NCAPD3: variants seen among roughly 807,000 people sequenced by gnomAD.
The protein encoded by NCAPD3 is condensin-2 complex subunit D3.
NCAPD3 carries 105 observed loss-of-function variants against 182.9 expected under a neutral mutation model. The observed-to-expected ratio is 0.57, with a 90% CI of 0.49 to 0.68. The LOEUF is 0.68. NCAPD3 is among the 30% of genes least tolerant of loss of function. The probability of loss-of-function intolerance (pLI) is 0.00; values close to 1 mark genes in which losing one functional copy is unlikely to be tolerated. For missense variants in NCAPD3, 1,944 were observed against 1,837.0 expected, an observed-to-expected ratio of 1.06 and a Z score of -1.07; for synonymous variants, 815 against 679.9, an observed-to-expected ratio of 1.20 and a Z score of -3.09.
intron 19 of NCAPD3, among the ~76,000 whole-genome samples, chr11:134,181,429 T>C (rs1015878508): frequency 6.6e-6 from 1 of 152,224 alleles, no homozygotes; most frequent in Non-Finnish European, 1.5e-5. Flanking sequence ...TTTTTACATT[T>C]GCCCTATAAG....
intron 2 of NCAPD3, among the ~76,000 whole-genome samples, chr11:134,219,467 T>C (rs1286458996): frequency 6.6e-6 from 1 of 152,196 alleles, no homozygotes; most frequent in Non-Finnish European, 1.5e-5. Flanking sequence ...GACCTCAACC[T>C]AGGGAGATTG....
intron 24 of NCAPD3, 89 bp from the exon 25 acceptor site, chr11:134,169,143 G>A (rs995853802): frequency 1.5e-6 from 2 of 1,342,092 alleles, no homozygotes; most frequent in Non-Finnish European, 1.0e-6. Flanking sequence ...GAGCAGAGGA[G>A]AGCTGTACAT....
intron 27 of NCAPD3, among the ~76,000 whole-genome samples, 191 bp downstream of exon 27, chr11:134,167,803 GAT>G (rs1482915924): frequency 1.4e-5 from 2 of 139,662 alleles, no homozygotes; most frequent in Non-Finnish European, 3.1e-5. Context: ...ACACTCGTGA[GAT>G]GAGCTTAGGG....
chr11:134,197,599 A>T (rs1944662850), intron 13 of NCAPD3, among the ~76,000 whole-genome samples: 1 of 152,202 alleles, frequency 6.6e-6, no homozygotes, highest in African/African-American at 2.4e-5. Flanking sequence ...ATAGCAATGC[A>T]AGAATGGCTT....
rs1034607499 is a variant in NCAPD3 at position 134,223,356 on chromosome 11, A to C, written c.64+507T>G. On this transcript the variant is annotated intron_variant, in intron 1 of 34. Transcript: ENST00000534548. The stretch of plus-strand genomic sequence containing the variant: ...GGCAGGACAGTGGTAGTGGGCATGA[A>C]AGGGGAAGCAGAAATGCCATGACTC... 7.2e-6 allele frequency: 5 copies of C among 692,914 alleles called. No homozygotes were observed. The Admixed American group carries it at 1.0e-4, about 14-fold the overall frequency. The allele number at this position is 692,914 out of a possible 1,614,324, so 42.9% of individuals were successfully genotyped here. A position where few individuals can be genotyped will look rare whatever the true frequency, so the allele number is the denominator to read the frequency against.
At position 134,153,194 on chromosome 11, in the gene NCAPD3, A is replaced by AT; in HGVS notation, c.4333dup (p.Ile1445AsnfsTer2). On this transcript the variant is annotated frameshift_variant, in exon 34 of 35. Transcript: ENST00000534548. LOFTEE classifies it high-confidence loss of function. ...GTCATTTCCTTGACTCCGGCCTTCA[A>AT]TTTTCTCTAAAAGGGAGTCAAACAA... 6.2e-7 allele frequency: 1 copy of AT among 1,614,140 alleles called. No homozygotes were observed. Among genetic ancestry groups the AT allele is most frequent in the Non-Finnish European group, 8.5e-7 (1 of 1,179,976 alleles).
chr11:134,176,240 AAG>A, intron 24 of NCAPD3, 65 bp downstream of exon 24: 4 of 1,444,556 alleles, frequency 2.8e-6, no homozygotes, highest in South Asian at 2.4e-5. Flanking sequence ...CTGAAAAAAA[AAG>A]AAATCCAGCA....
intron 29 of NCAPD3, among the ~76,000 whole-genome samples, chr11:134,158,848 TA>T (rs1565517193): frequency 6.6e-6 from 1 of 152,152 alleles, no homozygotes; most frequent in East Asian, 1.9e-4. Context: ...CAGCCTCTGG[TA>T]ATCACCAAAA....
intron 29 of NCAPD3, among the ~76,000 whole-genome samples, chr11:134,159,152 ATTTCC>A (rs778080518): frequency 4.6e-5 from 7 of 152,120 alleles, no homozygotes; most frequent in Non-Finnish European, 1.0e-4. Flanking sequence ...CGACATCCTG[ATTTCC>A]TTTCTTTTGA....
chr11:134,218,101 A>C (rs1398110769), intron 2 of NCAPD3, among the ~76,000 whole-genome samples: 2 of 82,024 alleles, frequency 2.4e-5, no homozygotes, highest in Non-Finnish European at 5.1e-5. Context: ...CTGGTCTCAA[A>C]AAAAAAAAAG....
chr11:134,161,467 T>C (rs1469828389), intron 28 of NCAPD3, among the ~76,000 whole-genome samples: 2 of 152,164 alleles, frequency 1.3e-5, no homozygotes, highest in South Asian at 2.1e-4. Context: ...CCAAGCAGCA[T>C]GAACGAAGAT....
chr11:134,168,649 T>C (rs772876363), intron 25 of NCAPD3, 47 bp from the exon 26 acceptor site: 1 of 1,610,278 alleles, frequency 6.2e-7, no homozygotes, highest in South Asian at 1.1e-5. Flanking sequence ...GGCACGGGTG[T>C]AAGGGATTTA....
intron 32 of NCAPD3, chr11:134,154,131 G>C (rs1943347652): frequency 6.6e-6 from 1 of 152,310 alleles, no homozygotes; most frequent in Non-Finnish European, 1.5e-5. Context: ...CTCATTGGGG[G>C]GCTGCCAGGA....
chr11:134,173,424 G>T, intron 24 of NCAPD3: 1 of 153,656 alleles, frequency 6.5e-6, no homozygotes, highest in South Asian at 1.8e-4. Flanking sequence ...CCTTCCCCCA[G>T]AGCTGTCCGT....
chr11:134,173,043 A>C (rs1944055161), intron 24 of NCAPD3: 1 of 149,176 alleles, frequency 6.7e-6, no homozygotes, highest in South Asian at 2.0e-4. Context: ...CCTGCAGGGG[A>C]GGGCAGAGCC....
rs1370733570 is a variant in NCAPD3 at position 134,152,687 on chromosome 11, G to A, written c.*257C>T. 2.8e-6 allele frequency: 1 copy of A among 362,824 alleles called. No homozygotes were observed. Among genetic ancestry groups the A allele is most frequent in the Non-Finnish European group, 4.9e-6 (1 of 203,266 alleles). The allele number at this position is 362,824 out of a possible 1,614,324, so 22.5% of individuals were successfully genotyped here. ...CTGAATGGGCTTGACACTTTCAAAT[G>A]GAATAAAGTTACAATATTAAACAGA... is the stretch of plus-strand genomic sequence containing the variant. On this transcript the variant is annotated 3_prime_UTR_variant, in exon 35 of 35. Transcript: ENST00000534548.
intron 11 of NCAPD3, 73 bp downstream of exon 11, chr11:134,203,581 G>T: frequency 6.4e-7 from 1 of 1,554,896 alleles, no homozygotes. Context: ...CCACAGAAAA[G>T]AACGATTCCC....
At chr11:134,164,288 G>A (rs563122011) in intron 27 of NCAPD3, among the ~76,000 whole-genome samples, 21 of 152,338 alleles carry the variant, frequency 1.4e-4, no homozygotes, top group African/African-American at 4.3e-4. Flanking sequence ...GTGGGAGAAA[G>A]AGGAGATGAA....
intron 27 of NCAPD3, among the ~76,000 whole-genome samples, chr11:134,167,003 G>A (rs1453646601): frequency 8.5e-6 from 1 of 117,182 alleles, no homozygotes; most frequent in Non-Finnish European, 1.7e-5. Context: ...TGAGCTTAGG[G>A]GAGCTGCACA....
Sources: gnomAD v4.1 joint callset for allele counts (sites outside exome capture counted in the v4.1 genomes callset) on GRCh38, gnomAD v4.1.1 for gene constraint, MANE v1.5 for transcripts, NCBI Gene and HGNC (gene_info 2026-07-23, HGNC 2026-07-21) for gene names.